Variants in SLIT2 observed in about 807,000 individuals in gnomAD.
SLIT2 encodes slit homolog 2 protein.
SLIT2 carries 41 observed loss-of-function variants against 185.7 expected under a neutral mutation model. That is an observed-to-expected ratio of 0.22 (90% confidence interval 0.17 to 0.29). The LOEUF is 0.29. SLIT2 is among the 10% of genes least tolerant of loss of function. The pLI is 1.00. For missense variants in SLIT2, 1,571 were observed against 1,909.0 expected (o/e 0.82, Z 3.30); for synonymous variants, 693 against 680.2 (o/e 1.02, Z -0.29).
rs535186094 is a variant in SLIT2 at position 20,256,661 on chromosome 4, T to G, written c.180-11T>G. 2.7e-6 allele frequency: 4 copies of G among 1,476,792 alleles called. No homozygotes were observed. The African/African-American group carries it at 5.6e-5, about 21-fold the overall frequency. The allele number at this position is 1,476,792 out of a possible 1,614,324, so 91.5% of individuals were successfully genotyped here. A position where few individuals can be genotyped will look rare whatever the true frequency, so the allele number is the denominator to read the frequency against. ...TAAAATGGAACTTTCACTTTCTGGT[T>G]TTTCTCTTAGGGATTTAAATGGAAA... On this transcript the variant is annotated splice_polypyrimidine_tract_variant and intron_variant, in intron 1 of 36. Coordinates refer to ENST00000504154, the MANE Select transcript of SLIT2 (RefSeq NM_004787.4).
chr4:20,357,979 G>A (rs1236389321), intron 4 of SLIT2, among the ~76,000 whole-genome samples: 2 of 152,028 alleles, frequency 1.3e-5, no homozygotes, highest in African/African-American at 2.4e-5. Flanking sequence ...CAGGTGATAT[G>A]TGGATTTTAA....
rs1725335837 is a variant in SLIT2 at position 20,569,042 on chromosome 4, T to G, written c.3088+38T>G. 3 of 1,570,784 alleles carry G rather than the reference T, an allele frequency of 1.9e-6. No homozygotes were observed. The South Asian group carries it at 3.3e-5, about 17-fold the overall frequency. ...GGAAATATTTTGCCTTCCATCAGTA[T>G]ATCTGTTTGAAAGCATCATTGGAAC... On this transcript the variant is annotated intron_variant, in intron 29 of 36. Coordinates refer to ENST00000504154, the MANE Select transcript of SLIT2 (RefSeq NM_004787.4).
chr4:20,261,900 A>C (rs1173621864), intron 3 of SLIT2, among the ~76,000 whole-genome samples: 1 of 151,768 alleles, frequency 6.6e-6, no homozygotes, highest in Non-Finnish European at 1.5e-5. Context: ...ATACTTGGTA[A>C]ATGTGTGCTT....
chr4:20,488,727 TTATC>T (rs1717492578), intron 7 of SLIT2, 88 bp from the exon 8 acceptor site: 2 of 868,904 alleles, frequency 2.3e-6, no homozygotes, highest in Non-Finnish European at 3.5e-6. Context: ...CTGCTTAGCT[TTATC>T]TACTTCTATG....
chr4:20,618,993 C>T lies in SLIT2; in HGVS notation c.4574C>T (p.Thr1525Met), dbSNP rs115023064. The T allele has an allele frequency of 2.4e-4, 394 of 1,613,762 alleles. 1 individual carries two copies. In the African/African-American group the frequency reaches 3.8e-3, roughly 16 times the overall value. ...GAGAAAGTGGTGAAGTGCGGCTGTA[C>T]GAGGTGTGTGTCCTAAACACACTCC... The part of the protein sequence containing the change: ...EVEKVVKCGC[T>M]RCVS The change falls in exon 37 of 37, where the codon ACG (threonine) becomes ATG (methionine). Residue 1525 changes from threonine (T) to methionine (M), a missense_variant. Physicochemically the swap from Thr to Met is moderately conservative, Grantham distance 81. Coordinates refer to ENST00000504154, the MANE Select transcript of SLIT2 (RefSeq NM_004787.4).
At chr4:20,333,992 A>G (rs141970687) in intron 4 of SLIT2, among the ~76,000 whole-genome samples, 2 of 152,294 alleles carry the variant, frequency 1.3e-5, no homozygotes, top group East Asian at 3.9e-4. Context: ...CTTTGAAGTA[A>G]TTGTTCAGCA....
intron 18 of SLIT2, among the ~76,000 whole-genome samples, chr4:20,536,069 T>TA (rs1319893100): frequency 6.6e-6 from 1 of 152,186 alleles, no homozygotes; most frequent in Non-Finnish European, 1.5e-5. Flanking sequence ...AAAGTATTTG[T>TA]GTATCTAAAC....
At chr4:20,495,449 A>C (rs1718149393) in intron 9 of SLIT2, among the ~76,000 whole-genome samples, 1 of 152,224 alleles carries the variant, frequency 6.6e-6, no homozygotes. Context: ...TAAAAGGAGA[A>C]GAGTAAGATG....
intron 26 of SLIT2, among the ~76,000 whole-genome samples, chr4:20,558,155 T>C (rs918266616): frequency 1.3e-4 from 20 of 152,048 alleles, no homozygotes; most frequent in African/African-American, 4.8e-4. Flanking sequence ...GATAACACAA[T>C]GGCAGAGTTT....
intron 3 of SLIT2, among the ~76,000 whole-genome samples, chr4:20,260,481 T>G (rs745650735): frequency 6.6e-6 from 1 of 151,852 alleles, no homozygotes; most frequent in Non-Finnish European, 1.5e-5. Context: ...AAACATTAAT[T>G]TTATTCTTGT....
At chr4:20,548,021 G>C (rs1009098641) in intron 22 of SLIT2, among the ~76,000 whole-genome samples, 4 of 152,056 alleles carry the variant, frequency 2.6e-5, no homozygotes, top group African/African-American at 9.7e-5. Context: ...CTGTGTATCA[G>C]TGAACATATG....
At chr4:20,306,586 T>C (rs978049338) in intron 4 of SLIT2, among the ~76,000 whole-genome samples, 2 of 152,212 alleles carry the variant, frequency 1.3e-5, no homozygotes, top group African/African-American at 4.8e-5. Context: ...TCAATAGATT[T>C]ATTTCCCGCG....
At chr4:20,372,046 T>A (rs1187379949) in intron 4 of SLIT2, among the ~76,000 whole-genome samples, 1 of 152,128 alleles carries the variant, frequency 6.6e-6, no homozygotes, top group Non-Finnish European at 1.5e-5. Flanking sequence ...TTGCTTCAAG[T>A]GGATGAGAGG....
At position 20,364,326 on chromosome 4, in the gene SLIT2, G is replaced by A. The variant is rs553379585; in HGVS notation, c.395+95445G>A. On this transcript the variant is annotated intron_variant, in intron 4 of 36. Coordinates refer to ENST00000504154, the MANE Select transcript of SLIT2 (RefSeq NM_004787.4). ...ATAATGGTTCAAGTAATTGAAAAAG[G>A]GCCTGCATTTCAGGATAGCTGGACA... 1,117 of 970,892 alleles carry A rather than the reference G, an allele frequency of 1.2e-3. 2 individuals are homozygous for A. Among genetic ancestry groups the A allele is most frequent in the Admixed American group, 1.9e-3 (31 of 16,234 alleles). The allele number at this position is 970,892 out of a possible 1,614,324, so 60.1% of individuals were successfully genotyped here. A position where few individuals can be genotyped will look rare whatever the true frequency, so the allele number is the denominator to read the frequency against.
At chr4:20,492,009 G>C (rs932435245) in intron 9 of SLIT2, 110 bp downstream of exon 9, 7 of 1,000,808 alleles carry the variant, frequency 7.0e-6, no homozygotes, top group Admixed American at 7.0e-5. Context: ...AATTGGCTTA[G>C]ACAAATGTTC....
intron 4 of SLIT2, among the ~76,000 whole-genome samples, chr4:20,440,874 G>A (rs1485268323): frequency 6.6e-6 from 1 of 152,032 alleles, no homozygotes; most frequent in Non-Finnish European, 1.5e-5. Flanking sequence ...ACCTATTGAG[G>A]AGTCATCGTA....
intron 29 of SLIT2, among the ~76,000 whole-genome samples, chr4:20,585,583 C>A (rs910041792): frequency 6.6e-6 from 1 of 152,190 alleles, no homozygotes; most frequent in Non-Finnish European, 1.5e-5. Context: ...CTATATTCAA[C>A]CACATTGCCC....
chr4:20,257,743 T>A lies in SLIT2; in HGVS notation c.252-125T>A, dbSNP rs1711995727. The A allele has an allele frequency of 7.4e-6, 5 of 674,120 alleles. No individual in the cohort carries two copies. The East Asian group carries it at 1.3e-4, about 18-fold the overall frequency. The allele number at this position is 674,120 out of a possible 1,614,324, so 41.8% of individuals were successfully genotyped here. ...TATTATTATTAAATTTGATATTGGA[T>A]CTCAAATCAGAGCACAATTTAACTT... On this transcript the variant is annotated intron_variant, in intron 2 of 36. Transcript: ENST00000504154.
intron 4 of SLIT2, among the ~76,000 whole-genome samples, chr4:20,272,463 T>C (rs565180557): frequency 6.6e-6 from 1 of 152,136 alleles, no homozygotes; most frequent in African/African-American, 2.4e-5. Flanking sequence ...TTGATTATGA[T>C]TGATTGAAAT....
Sources: allele counts gnomAD v4.1 joint callset (sites outside exome capture counted in the v4.1 genomes callset), GRCh38; gene constraint gnomAD v4.1.1; transcripts MANE v1.5; gene names NCBI Gene and HGNC (gene_info 2026-07-23, HGNC 2026-07-21).